Variants in TADA1 observed in about 807,000 individuals in gnomAD.
TADA1 encodes transcriptional adaptor 1, also known as transcriptional adapter 1.
TADA1 carries 23 observed loss-of-function variants against 39.3 expected under a neutral mutation model. The ratio of observed to expected loss-of-function variants is 0.58; its 90% CI spans 0.42 to 0.83. TADA1 has a LOEUF of 0.83. Among genes scored for constraint, TADA1 ranks in the 40% least tolerant of loss-of-function variants. The pLI, the probability that TADA1 is intolerant of heterozygous loss-of-function variation, is 0.00. For synonymous variants in TADA1, 137 were observed against 151.8 expected, an observed-to-expected ratio of 0.90 and a Z score of 0.72; for missense variants, 352 against 408.1, an observed-to-expected ratio of 0.86 and a Z score of 1.18.
In TADA1 at chr1:166,869,461, A is replaced by G. The variant is rs769373299; in HGVS notation, c.216T>C (p.Ile72=). 3 of 1,613,704 alleles carry G rather than the reference A, an allele frequency of 1.9e-6. No individual in the cohort carries two copies. In the Admixed American group the frequency reaches 5.0e-5, roughly 27 times the overall value. The change falls in exon 3 of 8, where the codon ATT becomes ATC. Residue 72 remains isoleucine (I), a synonymous_variant. Coordinates refer to ENST00000367874, the MANE Select transcript of TADA1 (RefSeq NM_053053.4). Reference sequence around the variant, plus strand: ...CTCCCTTACCTGGTGTAGAAACCAAAATCTGACAACGCGTGAGAATGGCCA... The same window carrying G: ...CTCCCTTACCTGGTGTAGAAACCAAGATCTGACAACGCGTGAGAATGGCCA... The part of the protein sequence containing the change: ...FLLAILTRCQ[I]LVSTPDGAGS...
chr1:166,862,123 T>C (rs1196137386), intron 5 of TADA1, 80 bp downstream of exon 5: 1 of 1,346,496 alleles, frequency 7.4e-7, no homozygotes, highest in Non-Finnish European at 1.1e-6. Context: ...TGGATTCTTT[T>C]CTTGCAATAC....
chr1:166,863,217 A>G (rs1476349), intron 4 of TADA1: 57,457 of 152,252 alleles, frequency 0.38, 10,976 homozygotes, highest in Middle Eastern at 0.5. Context: ...TAGAGATCCC[A>G]ATGGCCTCTA....
At chr1:166,875,554 T>A (rs551910607) in intron 1 of TADA1, among the ~76,000 whole-genome samples, 1 of 152,232 alleles carries the variant, frequency 6.6e-6, no homozygotes, top group African/African-American at 2.4e-5. Flanking sequence ...ACATCTGTTG[T>A]AAGGATTAGA....
intron 6 of TADA1, 128 bp from the exon 7 acceptor site, chr1:166,858,409 T>C: frequency 1.7e-6 from 1 of 579,816 alleles, no homozygotes; most frequent in Non-Finnish European, 2.8e-6. Flanking sequence ...TGTCTACTCC[T>C]GTAGACATGA....
Position 166,869,441 on chromosome 1 carries a change from T to C in TADA1, c.232+4A>G. On this transcript the variant is annotated splice_donor_region_variant and intron_variant, in intron 3 of 7. Transcript: ENST00000367874. ...ACACACTGGAAGTATTTCCACTCCC[T>C]TACCTGGTGTAGAAACCAAAATCTG... 1 of 1,611,262 alleles carries C rather than the reference T, an allele frequency of 6.2e-7. No individual in the cohort carries two copies. The highest frequency in any genetic ancestry group is 1.7e-4 in the Middle Eastern group (1 of 6,056).
chr1:166,870,906 T>C (rs1658644198), intron 1 of TADA1, among the ~76,000 whole-genome samples: 1 of 152,190 alleles, frequency 6.6e-6, no homozygotes, highest in African/African-American at 2.4e-5. Flanking sequence ...ATTATAGCTA[T>C]ACCCTTGTTT....
chr1:166,870,620 G>T (rs1229713116), intron 1 of TADA1, among the ~76,000 whole-genome samples: 1 of 152,210 alleles, frequency 6.6e-6, no homozygotes, highest in African/African-American at 2.4e-5. Flanking sequence ...TTGAACCCAG[G>T]AGTTCGAGAT....
intron 1 of TADA1, among the ~76,000 whole-genome samples, chr1:166,874,089 TC>T (rs1260757808): frequency 6.6e-6 from 1 of 151,598 alleles, no homozygotes; most frequent in Non-Finnish European, 1.5e-5. Flanking sequence ...ACGTCGGTAA[TC>T]CCAGCACTTT....
rs376088617 is a variant in TADA1, at chr1:166,873,315, C to G, written c.74+2845G>C. Among the ~76,000 whole-genome samples the G allele has an allele frequency of 7.9e-5, 12 of 152,122 alleles. No individual in the cohort carries two copies. In the East Asian group the frequency reaches 2.1e-3, roughly 27 times the overall value. On this transcript the variant is annotated intron_variant, in intron 1 of 7. Coordinates refer to ENST00000367874, the MANE Select transcript of TADA1 (RefSeq NM_053053.4). ...ATAAATAAATAACATATGATCAAAT[C>G]CTCAAAAGAAATCAGGCACCTATTT...
At chr1:166,863,711 C>T (rs1658467043) in intron 4 of TADA1, 113 bp downstream of exon 4, 3 of 984,318 alleles carry the variant, frequency 3.0e-6, no homozygotes, top group African/African-American at 1.7e-5. Context: ...AATCATACTC[C>T]TTTTTTTCAA....
At chr1:166,864,144 A>AT (rs1557909164) in intron 3 of TADA1, among the ~76,000 whole-genome samples, 1 of 152,078 alleles carries the variant, frequency 6.6e-6, no homozygotes, top group African/African-American at 2.4e-5. Context: ...AGGAAGACAA[A>AT]TTTTTTTATA....
At chr1:166,869,540 T>C (rs1557910782) in intron 2 of TADA1, 30 bp from the exon 3 acceptor site, 1 of 1,607,800 alleles carries the variant, frequency 6.2e-7, no homozygotes, top group East Asian at 2.2e-5. Flanking sequence ...GACAATCAAA[T>C]TCAAAACATT....
chr1:166,875,376 G>A (rs987935830), intron 1 of TADA1, among the ~76,000 whole-genome samples: 2 of 152,166 alleles, frequency 1.3e-5, no homozygotes, highest in African/African-American at 4.8e-5. Context: ...TAACCTGGAT[G>A]AAGGTCTGGC....
chr1:166,860,197 G>C lies in TADA1; in HGVS notation c.681C>G (p.Asn227Lys). Residue 227 changes from asparagine (N) to lysine (K), a missense_variant, in exon 6 of 8, where the codon AAC becomes AAG. Asn to Lys is a moderately conservative substitution (Grantham distance 94, BLOSUM62 0). This residue lies in a region of TADA1 where 285 missense variants were observed against 310.9 expected (regional missense o/e 0.92). Transcript: ENST00000367874. ...YLKNSVVAYNNLIESPPAFTA... is the reference protein window; with the variant it reads ...YLKNSVVAYNKLIESPPAFTA... ...GAAACTTCATTTACCTTTCTATTAAGTTGTTGTAAGCTACTACACTATTCT... is the reference window on the plus strand; with the variant it reads ...GAAACTTCATTTACCTTTCTATTAACTTGTTGTAAGCTACTACACTATTCT... 6.3e-7 allele frequency: 1 copy of C among 1,597,400 alleles called. No homozygotes were observed. Among genetic ancestry groups the C allele is most frequent in the Non-Finnish European group, 8.5e-7 (1 of 1,174,308 alleles).
In TADA1 at chr1:166,862,229, C is replaced by G. The variant is rs1279668923; in HGVS notation, c.514G>C (p.Val172Leu). 1.9e-6 allele frequency: 3 copies of G among 1,613,566 alleles called. No individual in the cohort carries two copies. In the South Asian group the frequency reaches 3.3e-5, roughly 18 times the overall value. Residue 172 changes from valine (V) to leucine (L), a missense_variant, in exon 5 of 8, where the codon GTT (valine) becomes CTT (leucine). This residue lies in a region of TADA1 where 285 missense variants were observed against 310.9 expected (regional missense o/e 0.92). Transcript: ENST00000367874. Reference sequence around the variant, plus strand: ...TCCACAGCATAGACAACAGCTGAAACAGCCTCCTCGGTGACATTGTCCAGC... The same window carrying G: ...TCCACAGCATAGACAACAGCTGAAAGAGCCTCCTCGGTGACATTGTCCAGC... Reference protein sequence around the residue: ...HGLDNVTEEAVSAVVYAVENH... With the variant: ...HGLDNVTEEALSAVVYAVENH...
chr1:166,865,018 A>G lies in TADA1; in HGVS notation c.233-1097T>C, dbSNP rs1450108531. Reference sequence around the variant, plus strand: ...TTTTATGCTTCATTCTTAAACATGAAAAGGACAATAATTAATCACCAGATA... The same window carrying G: ...TTTTATGCTTCATTCTTAAACATGAGAAGGACAATAATTAATCACCAGATA... On this transcript the variant is annotated intron_variant, in intron 3 of 7. Transcript: ENST00000367874. Among the ~76,000 whole-genome samples the G allele has an allele frequency of 2.6e-5, 4 of 152,218 alleles. No individual in the cohort carries two copies. In the East Asian group the frequency reaches 5.8e-4, roughly 22 times the overall value.
chr1:166,863,621 A>G (rs1658464726), intron 4 of TADA1, among the ~76,000 whole-genome samples: 1 of 152,252 alleles, frequency 6.6e-6, no homozygotes. Context: ...TGATAACATT[A>G]CTATTTAAGC....
At chr1:166,867,788 C>T (rs1444758284) in intron 3 of TADA1, among the ~76,000 whole-genome samples, 2 of 151,852 alleles carry the variant, frequency 1.3e-5, no homozygotes, top group African/African-American at 2.4e-5. Flanking sequence ...CCATGTTGGC[C>T]GGGCTGGTCT....
At chr1:166,872,924 A>T (rs576886662) in intron 1 of TADA1, among the ~76,000 whole-genome samples, 1 of 152,258 alleles carries the variant, frequency 6.6e-6, no homozygotes, top group South Asian at 2.1e-4. Flanking sequence ...GGGTAGAAGT[A>T]TAAGTGGGTC....
Sources: gnomAD v4.1 joint callset for allele counts (sites outside exome capture counted in the v4.1 genomes callset) on GRCh38, gnomAD v4.1.1 for gene constraint, gnomAD v4.1.1 regional missense constraint, MANE v1.5 for transcripts, NCBI Gene and HGNC (gene_info 2026-07-23, HGNC 2026-07-21) for gene names.